ACSM1: variants seen among roughly 807,000 people sequenced by gnomAD.
ACSM1 encodes acyl-CoA synthetase medium chain family member 1, also known as acyl-coenzyme A synthetase ACSM1, mitochondrial.
Under a neutral mutation model 75.8 loss-of-function variants are expected in ACSM1, and 79 were observed. That is an observed-to-expected ratio of 1.04 (90% CI 0.87 to 1.26). The LOEUF is 1.26. ACSM1 is among the 50% of genes most tolerant of loss of function. The probability of loss-of-function intolerance (pLI) is 0.00; values close to 1 mark genes in which losing one functional copy is unlikely to be tolerated. For synonymous variants in ACSM1, 279 were observed against 265.8 expected (o/e 1.05, Z -0.48); for missense variants, 676 against 720.1 (o/e 0.94, Z 0.70).
chr16:20,668,258 G>A (rs1033140517), intron 6 of ACSM1, among the ~76,000 whole-genome samples: 1 of 152,060 alleles, frequency 6.6e-6, no homozygotes, highest in Admixed American at 6.6e-5. Flanking sequence ...ATAGTAAGTG[G>A]GAAATAGTAA....
At chr16:20,686,434 A>C (rs940873046) in intron 2 of ACSM1, among the ~76,000 whole-genome samples, 1 of 152,092 alleles carries the variant, frequency 6.6e-6, no homozygotes, top group Admixed American at 6.5e-5. Context: ...TCCCACTTAC[A>C]CAGGCAGGGG....
At chr16:20,646,015 T>G (rs966338160) in intron 7 of ACSM1, among the ~76,000 whole-genome samples, 1 of 152,162 alleles carries the variant, frequency 6.6e-6, no homozygotes, top group African/African-American at 2.4e-5. Context: ...TTCAAAAGTC[T>G]GCCTTAGGCC....
At chr16:20,643,730 G>A (rs2018201059) in intron 7 of ACSM1, among the ~76,000 whole-genome samples, 1 of 152,234 alleles carries the variant, frequency 6.6e-6, no homozygotes. Flanking sequence ...GCTGCTGATT[G>A]CTCCATTTTA....
At chr16:20,641,942 A>G (rs1472417160) in intron 7 of ACSM1, among the ~76,000 whole-genome samples, 1 of 152,254 alleles carries the variant, frequency 6.6e-6, no homozygotes, top group African/African-American at 2.4e-5. Context: ...GAAAGCAGAC[A>G]TTCTGCTTAT....
At chr16:20,664,963 C>A (rs1177495050) in intron 6 of ACSM1, among the ~76,000 whole-genome samples, 3 of 151,948 alleles carry the variant, frequency 2.0e-5, no homozygotes, top group Admixed American at 2.0e-4. Flanking sequence ...AATAGAGATA[C>A]CATCTACCAA....
intron 13 of ACSM1, 144 bp from the exon 14 acceptor site, chr16:20,623,716 A>G: frequency 2.3e-6 from 2 of 863,358 alleles, no homozygotes; most frequent in Non-Finnish European, 3.6e-6. Context: ...CAAGTATTTC[A>G]GGTTCTCCCC....
chr16:20,671,499 T>C (rs1596904929), intron 5 of ACSM1, 32 bp downstream of exon 5: 1 of 1,575,706 alleles, frequency 6.3e-7, no homozygotes, highest in East Asian at 2.3e-5. Context: ...CACATCTGGG[T>C]CCAGCCTCTA....
intron 6 of ACSM1, among the ~76,000 whole-genome samples, chr16:20,662,395 C>T (rs1299400626): frequency 6.6e-6 from 1 of 152,010 alleles, no homozygotes; most frequent in Non-Finnish European, 1.5e-5. Context: ...TTTATTTAGA[C>T]CCACTAGAGA....
intron 10 of ACSM1, among the ~76,000 whole-genome samples, chr16:20,629,788 T>C (rs528428097): frequency 1.6e-4 from 24 of 152,154 alleles, no homozygotes; most frequent in African/African-American, 5.8e-4. Context: ...GGTCAGGAGA[T>C]GGAGACCATC....
At chr16:20,647,864 T>C (rs1433700708) in intron 7 of ACSM1, among the ~76,000 whole-genome samples, 1 of 152,180 alleles carries the variant, frequency 6.6e-6, no homozygotes, top group Admixed American at 6.5e-5. Context: ...CCTAGATCCA[T>C]TGTATTCCCA....
rs568674218 is a variant in ACSM1, at chr16:20,663,333, C to T, written c.913-1460G>A. 1.4e-3 allele frequency among the ~76,000 whole-genome samples: 210 copies of T among 152,310 alleles called. 3 individuals are homozygous for T. Among genetic ancestry groups the T allele is most frequent in the South Asian group, 0.013 (62 of 4,824 alleles). On this transcript the variant is annotated intron_variant, in intron 6 of 13. Transcript: ENST00000520010. ...CCTCCCATCCTCACCTCTTTACCCC[C>T]ACATCCGCATGTCCTCACCACCTGC... is the stretch of plus-strand genomic sequence containing the variant.
chr16:20,645,373 TC>T, intron 7 of ACSM1, among the ~76,000 whole-genome samples: 1 of 151,850 alleles, frequency 6.6e-6, no homozygotes, highest in Non-Finnish European at 1.5e-5. Context: ...TGGGAAACGT[TC>T]CCCCCAAGGC....
At chr16:20,624,652 C>G (rs182371419) in intron 12 of ACSM1, among the ~76,000 whole-genome samples, 1 of 152,180 alleles carries the variant, frequency 6.6e-6, no homozygotes, top group Non-Finnish European at 1.5e-5. Context: ...GCAATGTTAT[C>G]CAAGTTTTAT....
At chr16:20,639,999 G>A (rs996085065) in intron 8 of ACSM1, among the ~76,000 whole-genome samples, 8 of 152,164 alleles carry the variant, frequency 5.3e-5, no homozygotes, top group East Asian at 1.9e-4. Flanking sequence ...CCCCAAGATC[G>A]TTACTGTCAA....
rs764322201 is a variant in ACSM1 at position 20,624,186 on chromosome 16, T to C, written c.1557A>G (p.Pro519=). ...GATCCTTGTCATGGGACAGGAACTGTGGGGTCAGGACAATAAAGGCCTTCA... is the reference window on the plus strand; with the variant it reads ...GATCCTTGTCATGGGACAGGAACTGCGGGGTCAGGACAATAAAGGCCTTCA... ...EVVKAFIVLT[P]QFLSHDKDQL... The change falls in exon 13 of 14, where the codon CCA becomes CCG. Residue 519 remains proline (P), a synonymous_variant. Transcript: ENST00000520010. 3 of 1,612,674 alleles carry C rather than the reference T, an allele frequency of 1.9e-6. No individual in the cohort carries two copies. Among genetic ancestry groups the C allele is most frequent in the Non-Finnish European group, 1.7e-6 (2 of 1,179,036 alleles).
chr16:20,661,194 G>A lies in ACSM1; in HGVS notation c.992+600C>T, dbSNP rs146065317. Among the ~76,000 whole-genome samples the A allele has an allele frequency of 7.4e-3, 1,126 of 152,170 alleles. 19 individuals carry two copies. The highest frequency in any genetic ancestry group is 0.026 in the African/African-American group (1,099 of 41,504). On this transcript the variant is annotated intron_variant, in intron 7 of 13. Coordinates refer to ENST00000520010, the MANE Select transcript of ACSM1 (RefSeq NM_001318890.3). The stretch of plus-strand genomic sequence containing the variant: ...GGTAGGACTGGTATAAGAAATTGTG[G>A]TATTTTCATAAAATAGGATGCTGCA...
At chr16:20,643,298 A>C (rs1409306013) in intron 7 of ACSM1, among the ~76,000 whole-genome samples, 1 of 152,142 alleles carries the variant, frequency 6.6e-6, no homozygotes, top group African/African-American at 2.4e-5. Flanking sequence ...GAAAAATAGG[A>C]AGGAATAGCA....
chr16:20,690,297 A>G (rs940947992), intron 2 of ACSM1, among the ~76,000 whole-genome samples: 1 of 152,204 alleles, frequency 6.6e-6, no homozygotes, highest in Non-Finnish European at 1.5e-5. Context: ...GTTAGTGGCT[A>G]TAAATACCAT....
Position 20,691,250 on chromosome 16 carries a change from G to T in ACSM1, c.-51-11C>A. 1 of 1,379,476 alleles carries T rather than the reference G, an allele frequency of 7.2e-7. No individual in the cohort carries two copies. The highest frequency in any genetic ancestry group is 9.7e-7 in the Non-Finnish European group (1 of 1,029,068). The allele number at this position is 1,379,476 out of a possible 1,614,324, so 85.5% of individuals were successfully genotyped here. On this transcript the variant is annotated splice_polypyrimidine_tract_variant and intron_variant, in intron 1 of 13. Coordinates refer to ENST00000520010, the MANE Select transcript of ACSM1 (RefSeq NM_001318890.3). The stretch of plus-strand genomic sequence containing the variant: ...CAAGTCACCACCTGCCTTGGGAAGA[G>T]ATGGCTAATAGATTGGCTGTGTATC...
Sources: allele counts gnomAD v4.1 joint callset (sites outside exome capture counted in the v4.1 genomes callset), GRCh38; gene constraint gnomAD v4.1.1; transcripts MANE v1.5; gene names NCBI Gene and HGNC (gene_info 2026-07-23, HGNC 2026-07-21).